The following PCBP3 variants were observed in gnomAD, a reference collection of about 807,000 sequenced individuals.
PCBP3 encodes poly(rC) binding protein 3, also known as poly(rC)-binding protein 3.
PCBP3 carries 25 observed loss-of-function variants against 52.7 expected under a neutral mutation model. The ratio of observed to expected loss-of-function variants is 0.47; its 90% CI spans 0.35 to 0.66. The LOEUF (loss-of-function observed/expected upper bound fraction) is 0.66, where lower values mean the gene tolerates loss of function less well. Among genes scored for constraint, PCBP3 ranks in the 30% least tolerant of loss-of-function variants. PCBP3 has a pLI of 0.01. For missense variants in PCBP3, 391 were observed against 490.3 expected, an observed-to-expected ratio of 0.80 and a Z score of 1.91; for synonymous variants, 162 against 183.0, an observed-to-expected ratio of 0.89 and a Z score of 0.93.
chr21:45,807,387 A>C (rs2092540932), intron 4 of PCBP3, among the ~76,000 whole-genome samples: 2 of 152,194 alleles, frequency 1.3e-5, no homozygotes, highest in Admixed American at 1.3e-4. Flanking sequence ...ATTCCTCTAC[A>C]CTAATAATAG....
intron 3 of PCBP3, among the ~76,000 whole-genome samples, chr21:45,745,348 T>G (rs1603369886): frequency 6.6e-6 from 1 of 152,264 alleles, no homozygotes; most frequent in East Asian, 1.9e-4. Flanking sequence ...ACCCACCAGC[T>G]TTATTTAATA....
At chr21:45,852,190 A>G (rs955312472) in intron 5 of PCBP3, among the ~76,000 whole-genome samples, 9 of 152,270 alleles carry the variant, frequency 5.9e-5, no homozygotes, top group African/African-American at 1.9e-4. Context: ...GTGTATTGCA[A>G]CATCATACTG....
At position 45,940,182 on chromosome 21, in the gene PCBP3, G is replaced by A. The variant is rs965163525; in HGVS notation, c.1062G>A (p.Gln354=). 20 of 1,613,052 alleles carry A rather than the reference G, an allele frequency of 1.2e-5. No individual in the cohort carries two copies. The highest frequency in any genetic ancestry group is 1.6e-5 in the Non-Finnish European group (19 of 1,179,444). ...CCCCGGCCAACATCAGCCTTGCCCA[G>A]TATCTCATCAACGCCAGGTGAGCAT... ...TGTPANISLA[Q]YLINARLTSE... is the part of the protein sequence containing the mutation. Residue 354 remains glutamine, a synonymous_variant, in exon 17 of 18, where the codon CAG becomes CAA. Coordinates refer to ENST00000681687, the MANE Select transcript of PCBP3 (RefSeq NM_001384156.1).
At chr21:45,747,275 T>G (rs1415611686) in intron 3 of PCBP3, among the ~76,000 whole-genome samples, 2 of 152,314 alleles carry the variant, frequency 1.3e-5, no homozygotes, top group East Asian at 3.9e-4. Flanking sequence ...CCCCCATGAT[T>G]CAATTACCTC....
intron 4 of PCBP3, among the ~76,000 whole-genome samples, chr21:45,772,453 T>TCC (rs970537436): frequency 6.6e-5 from 10 of 152,202 alleles, no homozygotes; most frequent in African/African-American, 2.2e-4. Context: ...ATCTTCTCTA[T>TCC]CCATTCACCC....
rs920403169 is a variant in PCBP3, at chr21:45,837,346, G to A, written c.-125-12615G>A. ...TAATCTGGGCAGGCATGTGCCTCCA[G>A]CGGAAATGATGTTATGTGACATCTG... On this transcript the variant is annotated intron_variant, in intron 4 of 17. Coordinates refer to ENST00000681687, the MANE Select transcript of PCBP3 (RefSeq NM_001384156.1). The surrounding 1 kb of genome is among the most constrained non-coding windows in gnomAD (Gnocchi z 4.1). Among the ~76,000 whole-genome samples the A allele has an allele frequency of 3.9e-5, 6 of 152,238 alleles. No individual in the cohort carries two copies. Among genetic ancestry groups the A allele is most frequent in the Admixed American group, 2.0e-4 (3 of 15,286 alleles).
chr21:45,752,373 A>G (rs2087599331), intron 3 of PCBP3, among the ~76,000 whole-genome samples: 1 of 151,290 alleles, frequency 6.6e-6, no homozygotes, highest in South Asian at 2.1e-4. Context: ...GTTCTTTTTC[A>G]AATTTATATT....
chr21:45,776,860 C>T (rs895712990), intron 4 of PCBP3, among the ~76,000 whole-genome samples: 5 of 152,022 alleles, frequency 3.3e-5, no homozygotes, highest in African/African-American at 9.7e-5. Context: ...GCATTTGAGG[C>T]GATTATATGA....
chr21:45,913,494 G>C (rs2096443077), intron 11 of PCBP3, among the ~76,000 whole-genome samples: 1 of 152,170 alleles, frequency 6.6e-6, no homozygotes, highest in African/African-American at 2.4e-5. Flanking sequence ...GGCCTGCAGG[G>C]CCCTGCGCAT....
At chr21:45,903,645 G>A (rs558965141) in intron 9 of PCBP3, among the ~76,000 whole-genome samples, 2 of 151,810 alleles carry the variant, frequency 1.3e-5, no homozygotes, top group South Asian at 2.1e-4. Context: ...AATAGAAAAG[G>A]GACCATCAAC....
At chr21:45,934,912 C>T (rs1003063408) in intron 15 of PCBP3, among the ~76,000 whole-genome samples, 2 of 152,212 alleles carry the variant, frequency 1.3e-5, no homozygotes, top group African/African-American at 4.8e-5. Flanking sequence ...TGGCCCTGCC[C>T]TTCAGCCAGG....
intron 15 of PCBP3, among the ~76,000 whole-genome samples, chr21:45,933,759 G>A (rs1336557899): frequency 1.3e-5 from 2 of 152,100 alleles, no homozygotes; most frequent in African/African-American, 2.4e-5. Context: ...ACAGGACCAC[G>A]TCTGCCCTGT....
intron 4 of PCBP3, among the ~76,000 whole-genome samples, chr21:45,814,827 AG>A (rs2092816959): frequency 5.0e-5 from 4 of 79,228 alleles, no homozygotes; most frequent in Non-Finnish European, 9.7e-5. Flanking sequence ...GTGAGTGGTG[AG>A]TGAGTGGTGA....
At chr21:45,647,772 G>A (rs2079415405) in intron 1 of PCBP3, among the ~76,000 whole-genome samples, 1 of 152,114 alleles carries the variant, frequency 6.6e-6, no homozygotes, top group African/African-American at 2.4e-5. Flanking sequence ...TTGCATGGTA[G>A]GTAGAATAAT....
At chr21:45,909,260 T>A (rs2096279319) in intron 9 of PCBP3, 95 bp from the exon 10 acceptor site, 2 of 1,338,046 alleles carry the variant, frequency 1.5e-6, no homozygotes, top group South Asian at 2.6e-5. Flanking sequence ...CTCTGTGGGC[T>A]TCTGAGTGTG....
chr21:45,702,633 C>T (rs1428512735), intron 2 of PCBP3, among the ~76,000 whole-genome samples: 1 of 152,214 alleles, frequency 6.6e-6, no homozygotes, highest in African/African-American at 2.4e-5. Context: ...AGTGAGTCAT[C>T]ATCTTCTCAC....
chr21:45,660,820 C>T (rs1389941568), intron 1 of PCBP3, among the ~76,000 whole-genome samples: 1 of 152,144 alleles, frequency 6.6e-6, no homozygotes, highest in Non-Finnish European at 1.5e-5. Flanking sequence ...GGACAGATCA[C>T]TTGAGGTCAG....
At chr21:45,852,896 A>T (rs1463408810) in intron 5 of PCBP3, among the ~76,000 whole-genome samples, 2 of 152,274 alleles carry the variant, frequency 1.3e-5, no homozygotes, top group African/African-American at 2.4e-5. Flanking sequence ...AGTAACTTTT[A>T]TAGAAAAATG....
chr21:45,665,841 T>C (rs1300099574), intron 1 of PCBP3, among the ~76,000 whole-genome samples: 1 of 152,084 alleles, frequency 6.6e-6, no homozygotes, highest in Non-Finnish European at 1.5e-5. Context: ...GAGACCAATA[T>C]CATTGATGAA....
Sources: gnomAD v4.1 joint callset for allele counts (sites outside exome capture counted in the v4.1 genomes callset) on GRCh38, gnomAD v4.1.1 for gene constraint, Gnocchi (gnomAD v3.1) non-coding constraint, MANE v1.5 for transcripts, NCBI Gene and HGNC (gene_info 2026-07-23, HGNC 2026-07-21) for gene names.